FAM81A: variants seen among roughly 807,000 people sequenced by gnomAD.
The protein encoded by FAM81A is family with sequence similarity 81 member A, also known as protein FAM81A.
FAM81A carries 19 observed loss-of-function variants against 46.7 expected under a neutral mutation model. The observed-to-expected ratio is 0.41, with a 90% CI of 0.28 to 0.60. FAM81A has a LOEUF of 0.60. Ranked by LOEUF, FAM81A falls within the 20% of genes least tolerant of loss-of-function variation. FAM81A has a pLI of 0.34. For missense variants in FAM81A, 377 were observed against 453.5 expected, an observed-to-expected ratio of 0.83 and a Z score of 1.53; for synonymous variants, 183 against 152.9, an observed-to-expected ratio of 1.20 and a Z score of -1.45.
chr15:59,438,653 C>T (rs1478662580), intron 1 of FAM81A: 2 of 152,206 alleles, frequency 1.3e-5, no homozygotes, highest in South Asian at 2.1e-4. Context: ...TCTGCTCTTC[C>T]GCCCCTTCGC....
intron 2 of FAM81A, among the ~76,000 whole-genome samples, chr15:59,425,431 A>T (rs995710692): frequency 6.6e-6 from 1 of 152,212 alleles, no homozygotes; most frequent in Non-Finnish European, 1.5e-5. Flanking sequence ...TATCTGAGTT[A>T]TGGAAAAAGG....
At chr15:59,472,757 G>T (rs1353280999) in intron 3 of FAM81A, among the ~76,000 whole-genome samples, 1 of 151,962 alleles carries the variant, frequency 6.6e-6, no homozygotes. Flanking sequence ...TTGGTATGTT[G>T]TCCAATCATT....
rs956132996 is a variant in FAM81A, at chr15:59,516,655, A to G, written c.797A>G (p.Glu266Gly). Reference protein sequence around the residue: ...LIVKENSGASERDMEKKLSQM... With the variant: ...LIVKENSGASGRDMEKKLSQM... The stretch of plus-strand genomic sequence containing the variant: ...TATCATGGATCTCAGGGAGCCAGTG[A>G]AAGGGATATGGAGAAGAAGCTCAGC... The change falls in exon 8 of 9, where the codon GAA (glutamate) becomes GGA (glycine). Residue 266 changes from glutamate to glycine, a missense_variant. Coordinates refer to ENST00000288228, the MANE Select transcript of FAM81A (RefSeq NM_152450.3). 1.1e-5 allele frequency: 17 copies of G among 1,610,648 alleles called. No homozygotes were observed. Among genetic ancestry groups the G allele is most frequent in the Non-Finnish European group, 1.4e-5 (16 of 1,179,054 alleles).
At chr15:59,427,710 A>G (rs1026792370) in intron 2 of FAM81A, among the ~76,000 whole-genome samples, 3 of 152,176 alleles carry the variant, frequency 2.0e-5, no homozygotes. Context: ...CTCCAGTTCC[A>G]TCCATGTTGT....
intron 1 of FAM81A, among the ~76,000 whole-genome samples, chr15:59,442,701 C>T (rs1377825077): frequency 6.6e-6 from 1 of 151,130 alleles, no homozygotes; most frequent in African/African-American, 2.4e-5. Flanking sequence ...ACCTTTCAAC[C>T]AAATTCTCTA....
At chr15:59,503,059 T>A (rs2082111823) in intron 4 of FAM81A, among the ~76,000 whole-genome samples, 1 of 151,708 alleles carries the variant, frequency 6.6e-6, no homozygotes, top group South Asian at 2.1e-4. Flanking sequence ...CTCGCCAACA[T>A]GGTGAAAACC....
chr15:59,461,659 A>T (rs2061099266), intron 3 of FAM81A, among the ~76,000 whole-genome samples: 1 of 152,122 alleles, frequency 6.6e-6, no homozygotes, highest in South Asian at 2.1e-4. Flanking sequence ...TGCGGTTCAG[A>T]CATATCCTAG....
At chr15:59,421,802 A>C (rs55971531) in intron 2 of FAM81A, among the ~76,000 whole-genome samples, 25,397 of 142,182 alleles carry the variant, frequency 0.18, 2,845 homozygotes, top group South Asian at 0.35. Context: ...TACCTACCTA[A>C]CTACCTACCA....
intron 6 of FAM81A, among the ~76,000 whole-genome samples, chr15:59,509,922 C>T (rs957681474): frequency 6.6e-6 from 1 of 151,760 alleles, no homozygotes; most frequent in South Asian, 2.1e-4. Flanking sequence ...GCAATAGACA[C>T]AAATAGAAGG....
At chr15:59,399,455 G>GTT (rs2140460580) in intron 1 of FAM81A, among the ~76,000 whole-genome samples, 1 of 152,200 alleles carries the variant, frequency 6.6e-6, no homozygotes, top group African/African-American at 2.4e-5. Context: ...ACGATTAGCA[G>GTT]TCTCTGCCAC....
intron 2 of FAM81A, 86 bp from the exon 3 acceptor site, chr15:59,459,847 A>T: frequency 6.9e-7 from 1 of 1,448,768 alleles, no homozygotes; most frequent in Non-Finnish European, 9.1e-7. Flanking sequence ...GATAATTTGT[A>T]TTTCCAGACT....
chr15:59,481,709 A>G (rs531720406), intron 3 of FAM81A, among the ~76,000 whole-genome samples: 1 of 151,984 alleles, frequency 6.6e-6, no homozygotes, highest in Admixed American at 6.6e-5. Context: ...CATTTTTCTT[A>G]TTATTTCATT....
intron 2 of FAM81A, among the ~76,000 whole-genome samples, chr15:59,430,369 A>G (rs2081214703): frequency 6.8e-6 from 1 of 146,210 alleles, no homozygotes; most frequent in Admixed American, 7.3e-5. Flanking sequence ...GGTTCAAGCA[A>G]TTCTCCTGCC....
At chr15:59,451,652 C>T (rs899338926) in intron 1 of FAM81A, among the ~76,000 whole-genome samples, 15 of 152,232 alleles carry the variant, frequency 9.9e-5, no homozygotes, top group Admixed American at 6.5e-4. Context: ...GCAGTTTCCT[C>T]ATGTTGGTCA....
intron 3 of FAM81A, among the ~76,000 whole-genome samples, chr15:59,479,575 G>A (rs1462010398): frequency 6.7e-6 from 1 of 148,680 alleles, no homozygotes; most frequent in Non-Finnish European, 1.5e-5. Context: ...CGTGTGAATT[G>A]AGAATGGAAT....
chr15:59,460,120 G>T lies in FAM81A; in HGVS notation c.208G>T (p.Gly70Ter). The T allele has an allele frequency of 6.2e-7, 1 of 1,614,014 alleles. No homozygotes were observed. Among genetic ancestry groups the T allele is most frequent in the South Asian group, 1.1e-5 (1 of 91,076 alleles). Reference sequence around the variant, plus strand: ...TTTGCAGAAAATGCAAAACAAAGGGGGAGGTGACCGCTTGGCCAGGCTTTT... The same window carrying T: ...TTTGCAGAAAATGCAAAACAAAGGGTGAGGTGACCGCTTGGCCAGGCTTTT... Reference protein sequence around the residue: ...NSLQKMQNKGGGDRLARLFLE... With the variant: ...NSLQKMQNKG Residue 70 changes from glycine (G) to a stop codon, truncating the protein, a stop_gained, in exon 3 of 9, where the codon GGA becomes TGA. Coordinates refer to ENST00000288228, the MANE Select transcript of FAM81A (RefSeq NM_152450.3). LOFTEE classifies it high-confidence loss of function. This position sits in a 1 kb window ranked among gnomAD's most constrained non-coding sequence, Gnocchi z 4.4.
chr15:59,482,808 AAG>A (rs1253320618), intron 3 of FAM81A, among the ~76,000 whole-genome samples: 5 of 152,230 alleles, frequency 3.3e-5, no homozygotes, highest in Non-Finnish European at 5.9e-5. Flanking sequence ...ACTTCCTATT[AAG>A]AGAGAGTGCA....
chr15:59,467,328 C>T (rs577047513), intron 3 of FAM81A, among the ~76,000 whole-genome samples: 15 of 152,158 alleles, frequency 9.9e-5, no homozygotes, highest in Admixed American at 5.9e-4. Context: ...ATTGATTCTT[C>T]CTATCCATGA....
In FAM81A at chr15:59,429,921, G is replaced by A. The variant is rs144856945; in HGVS notation, c.-78+27563G>A. ...GCTGAGAACAGGGCAGGCAGGTGGC[G>A]AAGAGTCTTAGAGGGTTGAGTCCAG... On this transcript the variant is annotated intron_variant, in intron 2 of 4. Transcript: ENST00000558348. Among the ~76,000 whole-genome samples the A allele has an allele frequency of 3.5e-3, 531 of 152,348 alleles. 4 individuals carry two copies. The highest frequency in any genetic ancestry group is 0.012 in the African/African-American group (490 of 41,562).
Sources: allele counts gnomAD v4.1 joint callset (sites outside exome capture counted in the v4.1 genomes callset), GRCh38; gene constraint gnomAD v4.1.1; non-coding constraint Gnocchi (gnomAD v3.1); transcripts MANE v1.5; gene names NCBI Gene and HGNC (gene_info 2026-07-23, HGNC 2026-07-21).